The following PTPRD variants were observed in gnomAD, a reference collection of about 807,000 sequenced individuals.
PTPRD encodes protein tyrosine phosphatase receptor type D.
PTPRD carries 34 observed loss-of-function variants against 214.5 expected under a neutral mutation model. The observed-to-expected ratio is 0.16, with a 90% CI of 0.12 to 0.21. The LOEUF (loss-of-function observed/expected upper bound fraction) is 0.21. PTPRD is among the 10% of genes least tolerant of loss of function. The probability of loss-of-function intolerance (pLI) is 1.00; values close to 1 mark genes in which losing one functional copy is unlikely to be tolerated. For synonymous variants in PTPRD, 1,128 were observed against 845.7 expected (o/e 1.33, Z -5.79); for missense variants, 2,545 against 2,398.7 (o/e 1.06, Z -1.27).
At chr9:8,806,259 G>T (rs964297463) in intron 11 of PTPRD, among the ~76,000 whole-genome samples, 1 of 149,736 alleles carries the variant, frequency 6.7e-6, no homozygotes, top group South Asian at 2.2e-4. Flanking sequence ...GGGCGGGGGG[G>T]GGATTTTTAA....
intron 11 of PTPRD, among the ~76,000 whole-genome samples, chr9:8,923,436 C>A (rs899944485): frequency 4.2e-4 from 62 of 146,594 alleles, no homozygotes; most frequent in Non-Finnish European, 8.3e-4. Context: ...GTCTCCTAAG[C>A]CCCAACCACA....
intron 14 of PTPRD, among the ~76,000 whole-genome samples, chr9:8,566,098 ATATGTGTG>A (rs912346562): frequency 8.7e-5 from 4 of 46,154 alleles, no homozygotes; most frequent in African/African-American, 2.2e-4. Context: ...TGAATGCAAA[ATATGTGTG>A]TGTGTGTGTG....
intron 31 of PTPRD, among the ~76,000 whole-genome samples, chr9:8,467,003 C>A (rs1012415120): frequency 7.2e-5 from 11 of 151,790 alleles, no homozygotes; most frequent in African/African-American, 2.7e-4. Context: ...ACAGTCCCTC[C>A]TACACTGGGA....
chr9:9,419,260 A>C (rs1040956164), intron 8 of PTPRD, among the ~76,000 whole-genome samples: 3 of 55,228 alleles, frequency 5.4e-5, no homozygotes, highest in Non-Finnish European at 1.3e-4. Flanking sequence ...TCTCATTGTA[A>C]GAAAGAATAA....
intron 9 of PTPRD, among the ~76,000 whole-genome samples, chr9:9,249,080 G>T (rs753169290): frequency 2.0e-5 from 3 of 152,022 alleles, no homozygotes; most frequent in Non-Finnish European, 2.9e-5. Context: ...AGGTGTTTGG[G>T]TAGTGGGGGC....
At position 10,046,317 on chromosome 9, in the gene PTPRD, C is replaced by T. The variant is rs1333727336; in HGVS notation, c.-544-12527G>A. Among the ~76,000 whole-genome samples the T allele has an allele frequency of 1.6e-4, 25 of 151,800 alleles. No homozygotes were observed. In the Admixed American group the frequency reaches 1.6e-3, roughly 10 times the overall value. Reference sequence around the variant, plus strand: ...GGTAAAACACAACTGCATCTTTGAACTTCTAACATTTTATCTTAGAAAAAT... The same window carrying T: ...GGTAAAACACAACTGCATCTTTGAATTTCTAACATTTTATCTTAGAAAAAT... On this transcript the variant is annotated intron_variant, in intron 3 of 45. Transcript: ENST00000381196.
intron 2 of PTPRD, among the ~76,000 whole-genome samples, chr9:10,507,762 C>T (rs1000818068): frequency 6.6e-6 from 1 of 152,088 alleles, no homozygotes. Flanking sequence ...AAAGCTGAAA[C>T]TGGATCCTTT....
chr9:9,621,543 G>A (rs1396551094), intron 7 of PTPRD, among the ~76,000 whole-genome samples: 1 of 152,186 alleles, frequency 6.6e-6, no homozygotes, highest in African/African-American at 2.4e-5. Context: ...ATGCTCTCCT[G>A]TGGATGTGAT....
At chr9:9,106,872 A>G (rs1333064226) in intron 10 of PTPRD, among the ~76,000 whole-genome samples, 3 of 152,120 alleles carry the variant, frequency 2.0e-5, no homozygotes. Flanking sequence ...CTCAGCATAG[A>G]CAGTGTGACA....
intron 3 of PTPRD, among the ~76,000 whole-genome samples, chr9:10,215,265 T>G (rs760346048): frequency 1.4e-4 from 21 of 151,806 alleles, no homozygotes; most frequent in Middle Eastern, 3.4e-3. Flanking sequence ...AAGAATTGAC[T>G]GATGGATTTG....
At chr9:10,067,506 T>A (rs1427890927) in intron 3 of PTPRD, among the ~76,000 whole-genome samples, 1 of 151,938 alleles carries the variant, frequency 6.6e-6, no homozygotes, top group Non-Finnish European at 1.5e-5. Context: ...AGCAGTGAGA[T>A]ATCTAACAAT....
At chr9:10,521,864 T>C (rs1392146963) in intron 2 of PTPRD, among the ~76,000 whole-genome samples, 3 of 152,216 alleles carry the variant, frequency 2.0e-5, no homozygotes, top group Non-Finnish European at 4.4e-5. Flanking sequence ...TATAGTTTAG[T>C]CATAATCATT....
intron 12 of PTPRD, among the ~76,000 whole-genome samples, chr9:8,725,142 T>TA (rs954583115): frequency 6.6e-6 from 1 of 152,208 alleles, no homozygotes; most frequent in African/African-American, 2.4e-5. Context: ...TAATGTCTTT[T>TA]AAGTGTAAAA....
chr9:10,025,935 C>A (rs2096914816), intron 4 of PTPRD, among the ~76,000 whole-genome samples: 1 of 152,194 alleles, frequency 6.6e-6, no homozygotes, highest in Admixed American at 6.5e-5. Flanking sequence ...GAAGACCAGG[C>A]AGGCATGAAC....
At chr9:10,229,966 C>T (rs948761002) in intron 3 of PTPRD, among the ~76,000 whole-genome samples, 1 of 151,910 alleles carries the variant, frequency 6.6e-6, no homozygotes, top group Admixed American at 6.6e-5. Context: ...AATTAATACA[C>T]TCGTATATAT....
chr9:8,933,892 G>T (rs142684372), intron 11 of PTPRD, among the ~76,000 whole-genome samples: 55 of 152,156 alleles, frequency 3.6e-4, no homozygotes, highest in African/African-American at 1.2e-3. Context: ...CACAAATCTA[G>T]TATTCCTTCT....
chr9:9,433,366 T>C (rs923310717), intron 8 of PTPRD, among the ~76,000 whole-genome samples: 2 of 152,218 alleles, frequency 1.3e-5, no homozygotes, highest in African/African-American at 2.4e-5. Flanking sequence ...TGAGGATTTA[T>C]AATGAGTATT....
chr9:9,739,821 A>C (rs1334665772), intron 6 of PTPRD, among the ~76,000 whole-genome samples: 1 of 134,812 alleles, frequency 7.4e-6, no homozygotes, highest in Non-Finnish European at 1.6e-5. Flanking sequence ...TTTTCTCTAC[A>C]TATATATATA....
chr9:10,258,681 G>C (rs753094257), intron 3 of PTPRD, among the ~76,000 whole-genome samples: 16 of 152,108 alleles, frequency 1.1e-4, no homozygotes, highest in Admixed American at 3.3e-4. Flanking sequence ...TACCAAATTT[G>C]TATGGAGTAT....
Sources: gnomAD v4.1 joint callset for allele counts (sites outside exome capture counted in the v4.1 genomes callset) on GRCh38, gnomAD v4.1.1 for gene constraint, MANE v1.5 for transcripts, NCBI Gene and HGNC (gene_info 2026-07-23, HGNC 2026-07-21) for gene names.